Variants in ZNF782 observed in about 807,000 individuals in gnomAD.
The protein encoded by ZNF782 is zinc finger protein 782.
ZNF782 carries 12 observed loss-of-function variants against 13.0 expected under a neutral mutation model. The observed-to-expected ratio is 0.92, with a 90% CI of 0.59 to 1.50. The LOEUF is 1.50. Among genes scored for constraint, ZNF782 ranks in the 40% most tolerant of loss-of-function variants. ZNF782 has a pLI of 0.00. For missense variants in ZNF782, 770 were observed against 822.9 expected, an observed-to-expected ratio of 0.94 and a Z score of 0.79; for synonymous variants, 284 against 283.0, an observed-to-expected ratio of 1.00 and a Z score of -0.04.
the ZNF782 span, among the ~76,000 whole-genome samples, chr9:96,896,547 C>T: frequency 6.6e-6 from 1 of 152,144 alleles, no homozygotes; most frequent in African/African-American, 2.4e-5. Flanking sequence ...GATATCCCTT[C>T]TAAAGTGAAG....
the ZNF782 span, among the ~76,000 whole-genome samples, chr9:96,881,247 A>C: frequency 6.6e-6 from 1 of 151,892 alleles, no homozygotes; most frequent in Non-Finnish European, 1.5e-5. Context: ...TTTTGTTTTT[A>C]TGTTTTCAAT....
At chr9:96,830,631 G>A (rs1850769176) in intron 4 of ZNF782, among the ~76,000 whole-genome samples, 1 of 152,152 alleles carries the variant, frequency 6.6e-6, no homozygotes, top group African/African-American at 2.4e-5. Flanking sequence ...CCTGCTACAT[G>A]AGAAGATTTA....
intron 1 of ZNF782, among the ~76,000 whole-genome samples, chr9:96,872,355 AC>A (rs1433137749): frequency 6.6e-6 from 1 of 152,016 alleles, no homozygotes; most frequent in Non-Finnish European, 1.5e-5. Flanking sequence ...ACGTGGTGAA[AC>A]CTCATCTCTA....
intron 1 of ZNF782, among the ~76,000 whole-genome samples, chr9:96,865,443 A>C (rs762108302): frequency 5.3e-5 from 8 of 152,218 alleles, no homozygotes; most frequent in Non-Finnish European, 1.0e-4. Context: ...CTTGTAAGAC[A>C]TGACTTGCTC....
chr9:96,879,206 A>G (rs556422417), upstream of ZNF782, among the ~76,000 whole-genome samples: 117 of 152,352 alleles, frequency 7.7e-4, no homozygotes, highest in Non-Finnish European at 1.5e-3. Flanking sequence ...TGGGATACTT[A>G]GGCCGGGCGC....
At chr9:96,853,792 T>C (rs912454270) in intron 1 of ZNF782, among the ~76,000 whole-genome samples, 4 of 152,212 alleles carry the variant, frequency 2.6e-5, no homozygotes, top group African/African-American at 9.6e-5. Context: ...GAACCCCAGC[T>C]CCCTCACTGC....
At chr9:96,889,220 A>C in the ZNF782 span, 4 of 152,188 alleles carry the variant, frequency 2.6e-5, no homozygotes, top group Non-Finnish European at 5.9e-5. Context: ...GACGCTCAGT[A>C]GCACCCTTCC....
chr9:96,930,872 G>GTTTTTTTTTTTT, the ZNF782 span, among the ~76,000 whole-genome samples: 19 of 72,724 alleles, frequency 2.6e-4, 4 homozygotes, highest in African/African-American at 4.0e-4. Flanking sequence ...CCATCCAGTG[G>GTTTTTTTTTTTT]TTTTTTTTTT....
At chr9:96,911,531 T>G in the ZNF782 span, among the ~76,000 whole-genome samples, 1,453 of 147,790 alleles carry the variant, frequency 9.8e-3, 25 homozygotes, top group African/African-American at 0.011. Context: ...GTTTTGTTTT[T>G]TTTTTTTGAG....
At chr9:96,821,642 C>G (rs1029218603) in intron 5 of ZNF782, among the ~76,000 whole-genome samples, 1 of 150,724 alleles carries the variant, frequency 6.6e-6, no homozygotes, top group African/African-American at 2.4e-5. Flanking sequence ...TTTTCTCTTT[C>G]TTAGTTGTAC....
the ZNF782 span, among the ~76,000 whole-genome samples, chr9:96,925,075 C>T: frequency 1.7e-4 from 26 of 152,286 alleles, no homozygotes; most frequent in East Asian, 3.9e-3. Context: ...GAGCTAAGGC[C>T]GTTGGGTAAC....
chr9:96,932,066 T>C, the ZNF782 span: 1 of 1,608,202 alleles, frequency 6.2e-7, no homozygotes, highest in African/African-American at 1.3e-5. Flanking sequence ...AGGTGTCATG[T>C]GTCCACCTCC....
intron 4 of ZNF782, 96 bp from the exon 5 acceptor site, chr9:96,827,277 G>A (rs1259350153): frequency 1.3e-6 from 1 of 792,176 alleles, no homozygotes; most frequent in African/African-American, 1.8e-5. Flanking sequence ...GGCATATTCA[G>A]GGTGCTCACT....
intron 5 of ZNF782, 21 bp from the exon 6 acceptor site, chr9:96,819,799 C>A (rs752772592): frequency 6.5e-7 from 1 of 1,530,688 alleles, no homozygotes; most frequent in South Asian, 1.3e-5. Context: ...TAAAATTAAA[C>A]AAACTTTATG....
At chr9:96,880,566 T>C (rs913970051), upstream of ZNF782, among the ~76,000 whole-genome samples, 1 of 152,252 alleles carries the variant, frequency 6.6e-6, no homozygotes, top group African/African-American at 2.4e-5. Context: ...TTTTCTTTAG[T>C]CTGTCAAAAT....
chr9:96,855,045 T>C (rs1387119185), upstream of ZNF782, among the ~76,000 whole-genome samples: 1 of 152,216 alleles, frequency 6.6e-6, no homozygotes, highest in Non-Finnish European at 1.5e-5. Flanking sequence ...ACCCGACCCA[T>C]TGACCTGTGA....
chr9:96,929,698 C>G, the ZNF782 span, among the ~76,000 whole-genome samples: 1 of 151,370 alleles, frequency 6.6e-6, no homozygotes. Flanking sequence ...TCAGGCAACA[C>G]AGGGCCTGGG....
At chr9:96,919,753 G>A in the ZNF782 span, among the ~76,000 whole-genome samples, 11 of 149,926 alleles carry the variant, frequency 7.3e-5, no homozygotes, top group Non-Finnish European at 1.2e-4. Flanking sequence ...TTGTAGAGAC[G>A]GGGTTTCACC....
chr9:96,879,590 G>A (rs2118906770), upstream of ZNF782, among the ~76,000 whole-genome samples: 1 of 152,306 alleles, frequency 6.6e-6, no homozygotes, highest in South Asian at 2.1e-4. Context: ...TTGGTGAGAC[G>A]CCCTGTGACT....
Sources: allele counts gnomAD v4.1 joint callset (sites outside exome capture counted in the v4.1 genomes callset), GRCh38; gene constraint gnomAD v4.1.1; transcripts MANE v1.5; gene names NCBI Gene and HGNC (gene_info 2026-07-23, HGNC 2026-07-21).